Variants in HCN1 observed in about 807,000 individuals in gnomAD.
The protein encoded by HCN1 is potassium/sodium hyperpolarization-activated cyclic nucleotide-gated channel 1.
Under a neutral mutation model 78.9 loss-of-function variants are expected in HCN1, and 13 were observed. The ratio of observed to expected loss-of-function variants is 0.16; its 90% CI spans 0.11 to 0.26. The LOEUF is 0.26. HCN1 is among the 10% of genes least tolerant of loss of function. The pLI is 1.00. For synonymous variants in HCN1, 552 were observed against 455.5 expected (o/e 1.21, Z -2.70); for missense variants, 810 against 1,154.3 (o/e 0.70, Z 4.32).
chr5:45,591,294 A>T (rs908592535), intron 2 of HCN1, among the ~76,000 whole-genome samples: 1 of 152,208 alleles, frequency 6.6e-6, no homozygotes, highest in African/African-American at 2.4e-5. Context: ...ACCAAGGGAT[A>T]GGATTGCTGG....
chr5:45,569,658 C>T (rs546240983), intron 2 of HCN1, among the ~76,000 whole-genome samples: 2 of 152,062 alleles, frequency 1.3e-5, no homozygotes, highest in Admixed American at 1.3e-4. Flanking sequence ...ATTTAATATT[C>T]CCAGTCTTTA....
At chr5:45,324,446 A>G (rs1746195518) in intron 5 of HCN1, among the ~76,000 whole-genome samples, 1 of 152,014 alleles carries the variant, frequency 6.6e-6, no homozygotes, top group Non-Finnish European at 1.5e-5. Context: ...TCAAAACCAC[A>G]ATGAGATACC....
chr5:45,426,066 G>A (rs981944058), intron 3 of HCN1, among the ~76,000 whole-genome samples: 54 of 152,208 alleles, frequency 3.5e-4, no homozygotes, highest in African/African-American at 1.2e-3. Flanking sequence ...CTTCTATGCC[G>A]CCTCTCCTCT....
At chr5:45,569,195 A>G in intron 2 of HCN1, among the ~76,000 whole-genome samples, 1 of 152,258 alleles carries the variant, frequency 6.6e-6, no homozygotes, top group Non-Finnish European at 1.5e-5. Flanking sequence ...TTGTCCATTA[A>G]AATATACTAT....
chr5:45,285,725 T>C (rs1290650808), intron 6 of HCN1, among the ~76,000 whole-genome samples: 1 of 152,162 alleles, frequency 6.6e-6, no homozygotes, highest in East Asian at 1.9e-4. Context: ...ATGTTCCTAA[T>C]TGACTAATGA....
chr5:45,438,942 TCA>T (rs1275966345), intron 3 of HCN1, among the ~76,000 whole-genome samples: 1 of 152,162 alleles, frequency 6.6e-6, no homozygotes, highest in East Asian at 1.9e-4. Context: ...ATGTCTCTTT[TCA>T]TAACAACCCC....
At chr5:45,418,714 T>C (rs1000679961) in intron 3 of HCN1, among the ~76,000 whole-genome samples, 7 of 152,030 alleles carry the variant, frequency 4.6e-5, no homozygotes, top group Admixed American at 6.6e-5. Context: ...AATACAATTA[T>C]GAAAATGGAA....
chr5:45,316,617 T>C lies in HCN1; in HGVS notation c.1378-12778A>G, dbSNP rs546690778. 7.2e-5 allele frequency among the ~76,000 whole-genome samples: 11 copies of C among 152,232 alleles called. No individual in the cohort carries two copies. In the South Asian group the frequency reaches 2.3e-3, roughly 32 times the overall value. ...GGTATTCAATTACAAAAAGAGGAAG[T>C]CAAATTGTCCCTGTTGGTAGATGAC... On this transcript the variant is annotated intron_variant, in intron 5 of 7. Coordinates refer to ENST00000303230, the MANE Select transcript of HCN1 (RefSeq NM_021072.4).
intron 2 of HCN1, among the ~76,000 whole-genome samples, chr5:45,564,550 A>G (rs1743670114): frequency 6.6e-6 from 1 of 152,182 alleles, no homozygotes; most frequent in African/African-American, 2.4e-5. Context: ...TCATGCCCAC[A>G]CAGAAAAGTC....
At chr5:45,640,729 C>T (rs1317226925) in intron 2 of HCN1, among the ~76,000 whole-genome samples, 1 of 151,862 alleles carries the variant, frequency 6.6e-6, no homozygotes, top group Non-Finnish European at 1.5e-5. Flanking sequence ...CACCCGCCAC[C>T]ATGCCCAGCT....
chr5:45,515,373 G>T (rs985136346), intron 2 of HCN1, among the ~76,000 whole-genome samples: 1 of 151,950 alleles, frequency 6.6e-6, no homozygotes, highest in African/African-American at 2.4e-5. Flanking sequence ...TAAAGTCACT[G>T]TTGAAATTGC....
chr5:45,544,439 T>G (rs916369710), intron 2 of HCN1, among the ~76,000 whole-genome samples: 11 of 151,950 alleles, frequency 7.2e-5, no homozygotes, highest in Non-Finnish European at 1.5e-4. Flanking sequence ...GCAAATGGCA[T>G]CTTCTGAATT....
At chr5:45,540,031 T>C in intron 2 of HCN1, among the ~76,000 whole-genome samples, 1 of 149,892 alleles carries the variant, frequency 6.7e-6, no homozygotes, top group African/African-American at 2.4e-5. Context: ...ATTTTTGTTA[T>C]TTTCAATTTT....
chr5:45,255,203 G>A lies in HCN1; in HGVS notation c.*6718C>T, dbSNP rs1040906643. 1.3e-5 allele frequency: 2 copies of A among 152,174 alleles called. No individual in the cohort carries two copies. Among genetic ancestry groups the A allele is most frequent in the African/African-American group, 4.8e-5 (2 of 41,434 alleles). The allele number at this position is 152,174 out of a possible 1,614,324, so 9.4% of individuals were successfully genotyped here. ...CCAAGAGTAAACTTTGGATGGTCCA[G>A]GATAAAATTATAACATAGGTGGTTT... On this transcript the variant is annotated 3_prime_UTR_variant, in exon 8 of 8. Coordinates refer to ENST00000303230, the MANE Select transcript of HCN1 (RefSeq NM_021072.4).
chr5:45,606,496 GA>G (rs34193015), intron 2 of HCN1, among the ~76,000 whole-genome samples: 2 of 151,934 alleles, frequency 1.3e-5, no homozygotes, highest in Admixed American at 6.6e-5. Flanking sequence ...TATCCTTAGT[GA>G]AAAAGCTGGA....
At chr5:45,330,013 G>A (rs1207488011) in intron 5 of HCN1, among the ~76,000 whole-genome samples, 1 of 151,186 alleles carries the variant, frequency 6.6e-6, no homozygotes, top group Non-Finnish European at 1.5e-5. Flanking sequence ...TTTTACTTTG[G>A]AAAAATTTTA....
At chr5:45,381,477 CTCAT>C (rs1747805678) in intron 4 of HCN1, among the ~76,000 whole-genome samples, 1 of 152,132 alleles carries the variant, frequency 6.6e-6, no homozygotes, top group Admixed American at 6.6e-5. Context: ...ACTTAAAGCT[CTCAT>C]TCATGTAAAG....
At position 45,406,705 on chromosome 5, in the gene HCN1, C is replaced by A. The variant is rs1176929766; in HGVS notation, c.1012-9995G>T. ...ATAGGATTTTCAGGCATTTTAAGAA[C>A]ATAACCATAACAGAGAAATTCTTTA... is the stretch of plus-strand genomic sequence containing the variant. On this transcript the variant is annotated intron_variant, in intron 3 of 7. Coordinates refer to ENST00000303230, the MANE Select transcript of HCN1 (RefSeq NM_021072.4). 3.3e-5 allele frequency among the ~76,000 whole-genome samples: 5 copies of A among 151,974 alleles called. No homozygotes were observed. The East Asian group carries it at 9.6e-4, about 29-fold the overall frequency.
At chr5:45,456,845 G>A (rs970268576) in intron 3 of HCN1, among the ~76,000 whole-genome samples, 14 of 151,942 alleles carry the variant, frequency 9.2e-5, no homozygotes, top group South Asian at 4.1e-4. Context: ...ACGGTGAAAC[G>A]TGTACAGGAT....
Sources: allele counts gnomAD v4.1 joint callset (sites outside exome capture counted in the v4.1 genomes callset), GRCh38; gene constraint gnomAD v4.1.1; transcripts MANE v1.5; gene names NCBI Gene and HGNC (gene_info 2026-07-23, HGNC 2026-07-21).